Variants in NBEAL1 observed in about 807,000 individuals in gnomAD.
NBEAL1 encodes neurobeachin-like protein 1.
NBEAL1 carries 273 observed loss-of-function variants against 351.3 expected under a neutral mutation model. The observed-to-expected ratio is 0.78, with a 90% confidence interval of 0.70 to 0.86. NBEAL1 has a LOEUF of 0.86. Ranked by LOEUF, NBEAL1 falls within the 40% of genes least tolerant of loss-of-function variation. The pLI is 0.00. For synonymous variants in NBEAL1, 1,050 were observed against 1,086.4 expected, an observed-to-expected ratio of 0.97 and a Z score of 0.66; for missense variants, 2,961 against 3,201.3, an observed-to-expected ratio of 0.92 and a Z score of 1.81.
At chr2:203,015,617 C>T (rs957949341) in intron 1 of NBEAL1, among the ~76,000 whole-genome samples, 4 of 152,162 alleles carry the variant, frequency 2.6e-5, no homozygotes, top group Middle Eastern at 3.4e-3. Flanking sequence ...CCCGCCACCA[C>T]GCCCGGCTAA....
chr2:203,183,144 G>A, intron 43 of NBEAL1, 135 bp from the exon 44 acceptor site: 3 of 473,226 alleles, frequency 6.3e-6, no homozygotes, highest in South Asian at 4.8e-5. Flanking sequence ...AAATTAACTG[G>A]TATGTACTCC....
intron 27 of NBEAL1, among the ~76,000 whole-genome samples, chr2:203,133,605 A>G (rs965438081): frequency 8.6e-5 from 13 of 151,816 alleles, no homozygotes; most frequent in African/African-American, 2.9e-4. Context: ...CTTTCAGATC[A>G]TAACTTTCTC....
intron 33 of NBEAL1, among the ~76,000 whole-genome samples, chr2:203,147,511 A>G (rs923094191): frequency 6.6e-6 from 1 of 152,152 alleles, no homozygotes; most frequent in African/African-American, 2.4e-5. Context: ...CTTGAAACAG[A>G]TTAAAGAAGA....
At chr2:203,028,220 G>A (rs2060891867) in intron 2 of NBEAL1, among the ~76,000 whole-genome samples, 1 of 148,680 alleles carries the variant, frequency 6.7e-6, no homozygotes, top group Non-Finnish European at 1.5e-5. Flanking sequence ...GTCTTGCTAT[G>A]TTGCCCAGGC....
chr2:203,193,559 G>C (rs2065154799), intron 46 of NBEAL1, among the ~76,000 whole-genome samples: 1 of 151,996 alleles, frequency 6.6e-6, no homozygotes, highest in African/African-American at 2.4e-5. Context: ...AATACATTCT[G>C]ACTTGAAAAT....
At chr2:203,203,554 A>G (rs908346336) in intron 51 of NBEAL1, among the ~76,000 whole-genome samples, 1 of 151,898 alleles carries the variant, frequency 6.6e-6, no homozygotes, top group Non-Finnish European at 1.5e-5. Flanking sequence ...ATTTTCTTCC[A>G]TTTAAAAAAC....
At chr2:203,016,023 T>A (rs1451168840) in intron 1 of NBEAL1, 133 bp from the exon 2 acceptor site, 1 of 165,074 alleles carries the variant, frequency 6.1e-6, no homozygotes, top group East Asian at 1.7e-4. Flanking sequence ...TTCTATGAAA[T>A]CTAATCAGTC....
chr2:203,170,575 C>T (rs1357590909), intron 39 of NBEAL1, among the ~76,000 whole-genome samples: 2 of 152,094 alleles, frequency 1.3e-5, no homozygotes, highest in South Asian at 2.1e-4. Context: ...AAAGGAAAGC[C>T]GTTGTTTTTG....
At chr2:203,068,644 G>A (rs2106126820) in intron 7 of NBEAL1, among the ~76,000 whole-genome samples, 169 bp downstream of exon 7, 2 of 152,166 alleles carry the variant, frequency 1.3e-5, no homozygotes, top group African/African-American at 4.8e-5. Context: ...TGCAATTATT[G>A]TACTTGGTTT....
chr2:203,119,925 A>G (rs1574998794), intron 18 of NBEAL1, among the ~76,000 whole-genome samples: 1 of 152,272 alleles, frequency 6.6e-6, no homozygotes, highest in South Asian at 2.1e-4. Context: ...AATAGTCAAC[A>G]GTTTTTTTTG....
At chr2:203,056,674 C>G (rs917079365) in intron 5 of NBEAL1, among the ~76,000 whole-genome samples, 166 bp downstream of exon 5, 2 of 152,216 alleles carry the variant, frequency 1.3e-5, no homozygotes, top group African/African-American at 4.8e-5. Flanking sequence ...TCAAGTGATT[C>G]TCCTGCCTCA....
At chr2:203,087,239 C>G (rs1311323957) in intron 10 of NBEAL1, among the ~76,000 whole-genome samples, 18 of 150,232 alleles carry the variant, frequency 1.2e-4, no homozygotes, top group Admixed American at 1.2e-3. Flanking sequence ...ATTATAGGCA[C>G]CCGCCACCGT....
At chr2:203,185,870 T>A (rs1324711284) in intron 44 of NBEAL1, among the ~76,000 whole-genome samples, 1 of 152,208 alleles carries the variant, frequency 6.6e-6, no homozygotes, top group Non-Finnish European at 1.5e-5. Flanking sequence ...CAATGCCAGA[T>A]TGAAGAGGAG....
In NBEAL1 at chr2:203,201,662, A is replaced by G. The variant is rs1262295692; in HGVS notation, c.7358A>G (p.Gln2453Arg). The G allele has an allele frequency of 2.5e-6, 4 of 1,610,288 alleles. No homozygotes were observed. The highest frequency in any genetic ancestry group is 1.7e-6 in the Non-Finnish European group (2 of 1,177,870). ...FSAGYWDNSI[Q>R]VMSLTKGKII... ...GCTGGATACTGGGATAATAGCATTC[A>G]AGTGATGTCACTTACAAAAGGCAAA... The change falls in exon 50 of 56, where the codon CAA (glutamine) becomes CGA (arginine). Residue 2453 changes from glutamine to arginine, a missense_variant. Transcript: ENST00000683969.
At chr2:203,204,768 G>A (rs755869846) in intron 51 of NBEAL1, among the ~76,000 whole-genome samples, 2 of 151,820 alleles carry the variant, frequency 1.3e-5, no homozygotes, top group Non-Finnish European at 2.9e-5. Context: ...ACTATTTTTA[G>A]TGGGGTTTTA....
chr2:203,206,323 C>T (rs2065555914), intron 51 of NBEAL1, among the ~76,000 whole-genome samples: 1 of 152,148 alleles, frequency 6.6e-6, no homozygotes, highest in African/African-American at 2.4e-5. Flanking sequence ...TTTAAAAATA[C>T]CATTACAAAC....
Position 203,217,981 on chromosome 2 carries a change from A to G in NBEAL1, c.*627A>G. 1.1e-6 allele frequency: 1 copy of G among 886,628 alleles called. No homozygotes were observed. The highest frequency in any genetic ancestry group is 1.4e-6 in the Non-Finnish European group (1 of 740,120). 54.9% of individuals were successfully genotyped at this position (886,628 alleles called of 1,614,324 possible). ...TGTCCTTAATAAAAATTGAGTAGAA[A>G]AAAGTGGAACTAGAGATACATTTTA... On this transcript the variant is annotated 3_prime_UTR_variant, in exon 56 of 56. Transcript: ENST00000683969.
intron 45 of NBEAL1, 112 bp from the exon 46 acceptor site, chr2:203,190,180 A>G: frequency 5.7e-6 from 1 of 174,580 alleles, no homozygotes; most frequent in Non-Finnish European, 1.3e-5. Context: ...ACACACACAC[A>G]CACACACACA....
In NBEAL1 at chr2:203,068,489, C is replaced by T. The variant is rs1460849840; in HGVS notation, c.598+14C>T. ...CTTTCTTTTATCGTAAGTAACACCT[C>T]TAATTTCTCTTGCTATGATTATCAT... On this transcript the variant is annotated intron_variant, in intron 7 of 55. Transcript: ENST00000683969. The T allele has an allele frequency of 1.6e-5, 22 of 1,413,994 alleles. No individual in the cohort carries two copies. The South Asian group carries it at 2.4e-4, about 15-fold the overall frequency. The allele number at this position is 1,413,994 out of a possible 1,614,324, so 87.6% of individuals were successfully genotyped here.
Sources: allele counts gnomAD v4.1 joint callset (sites outside exome capture counted in the v4.1 genomes callset), GRCh38; gene constraint gnomAD v4.1.1; transcripts MANE v1.5; gene names NCBI Gene and HGNC (gene_info 2026-07-23, HGNC 2026-07-21).